The following ROR1 variants were observed in gnomAD, a reference collection of about 807,000 sequenced individuals.
ROR1 encodes the protein ROR family WNT receptor 1.
In ROR1, 19 loss-of-function variants were observed where a neutral mutation model predicts 78.8. The observed-to-expected ratio is 0.24, with a 90% confidence interval of 0.17 to 0.35. The LOEUF is 0.35. Among genes scored for constraint, ROR1 ranks in the 10% least tolerant of loss-of-function variants. The pLI, the probability that ROR1 is intolerant of heterozygous loss-of-function variation, is 1.00. For missense variants in ROR1, 917 were observed against 1,177.8 expected, an observed-to-expected ratio of 0.78 and a Z score of 3.24; for synonymous variants, 386 against 433.6, an observed-to-expected ratio of 0.89 and a Z score of 1.36.
chr1:64,095,051 G>A (rs1209615540), intron 4 of ROR1: 1 of 152,138 alleles, frequency 6.6e-6, no homozygotes, highest in Non-Finnish European at 1.5e-5. Context: ...GTGCTGCCAT[G>A]ATTGGAGTCC....
intron 4 of ROR1, among the ~76,000 whole-genome samples, chr1:64,063,104 A>G (rs1646929940): frequency 6.6e-6 from 1 of 152,234 alleles, no homozygotes; most frequent in South Asian, 2.1e-4. Context: ...TGTAACCAAG[A>G]ATGATAAATT....
At chr1:63,786,530 C>T (rs1644688804) in intron 1 of ROR1, among the ~76,000 whole-genome samples, 1 of 150,626 alleles carries the variant, frequency 6.6e-6, no homozygotes, top group Non-Finnish European at 1.5e-5. Flanking sequence ...CCTCGGCCTC[C>T]CAGAGTGCTG....
chr1:63,891,280 C>T (rs993752771), intron 1 of ROR1, among the ~76,000 whole-genome samples: 2 of 152,080 alleles, frequency 1.3e-5, no homozygotes, highest in African/African-American at 2.4e-5. Context: ...TTTCTCTTTT[C>T]GTTGTGGTAA....
In ROR1 at chr1:64,122,912, G is replaced by C. The variant is rs373597120; in HGVS notation, c.483-14457G>C. 1.8e-4 allele frequency among the ~76,000 whole-genome samples: 27 copies of C among 152,264 alleles called. 2 individuals carry two copies. Among genetic ancestry groups the C allele is most frequent in the Admixed American group, 9.8e-4 (15 of 15,280 alleles). On this transcript the variant is annotated intron_variant, in intron 4 of 8. Transcript: ENST00000371079. ...GGTGCCTGATGCTCCGGGTGAAGTT[G>C]AAGTTTGACCAGTAAGAGGGAAGAA...
chr1:64,002,401 G>T (rs547997986), intron 1 of ROR1, among the ~76,000 whole-genome samples: 12 of 152,326 alleles, frequency 7.9e-5, no homozygotes, highest in Non-Finnish European at 1.6e-4. Context: ...TGGGATTACA[G>T]GCGTGAGCCA....
intron 4 of ROR1, among the ~76,000 whole-genome samples, chr1:64,122,487 C>T (rs1648576397): frequency 6.6e-6 from 1 of 152,188 alleles, no homozygotes; most frequent in South Asian, 2.1e-4. Flanking sequence ...GATCCTTCAG[C>T]AGTCATGTAC....
At chr1:63,918,488 CG>C (rs1307644910) in intron 1 of ROR1, among the ~76,000 whole-genome samples, 1 of 152,088 alleles carries the variant, frequency 6.6e-6, no homozygotes, top group Non-Finnish European at 1.5e-5. Flanking sequence ...TTCTTAAGAA[CG>C]GGGCGTGGTA....
chr1:63,918,148 G>A (rs56157811), intron 1 of ROR1, among the ~76,000 whole-genome samples: 24,321 of 152,224 alleles, frequency 0.16, 3,006 homozygotes, highest in African/African-American at 0.35. Flanking sequence ...CCCAGATTGC[G>A]TTTGGGTGCC....
At chr1:64,159,291 CAG>C in intron 8 of ROR1, 99 bp downstream of exon 8, 1 of 940,278 alleles carries the variant, frequency 1.1e-6, no homozygotes, top group South Asian at 1.4e-5. Context: ...GATATGGAAT[CAG>C]AGTTTTATAA....
At chr1:63,863,788 ATTGT>A (rs765008555) in intron 1 of ROR1, among the ~76,000 whole-genome samples, 4,454 of 146,682 alleles carry the variant, frequency 0.03, 198 homozygotes, top group African/African-American at 0.079. Flanking sequence ...ATTGTATTGT[ATTGT>A]ATTGTATTGT....
chr1:63,868,382 A>G (rs1404130094), intron 1 of ROR1, among the ~76,000 whole-genome samples: 1 of 152,188 alleles, frequency 6.6e-6, no homozygotes, highest in Non-Finnish European at 1.5e-5. Flanking sequence ...AGTAAGAGAC[A>G]GAGAAATATG....
chr1:63,949,490 G>A (rs1260550907), intron 1 of ROR1, among the ~76,000 whole-genome samples: 2 of 152,266 alleles, frequency 1.3e-5, no homozygotes, highest in East Asian at 1.9e-4. Context: ...AGATAGCCTG[G>A]TTTTCTGCCC....
chr1:64,117,603 A>C (rs1222547930), intron 4 of ROR1, among the ~76,000 whole-genome samples: 7 of 152,184 alleles, frequency 4.6e-5, no homozygotes. Context: ...TTTGTAGCTC[A>C]CAAAAGCATT....
chr1:63,800,544 A>G (rs534506175), intron 1 of ROR1, among the ~76,000 whole-genome samples: 2 of 152,106 alleles, frequency 1.3e-5, no homozygotes, highest in Non-Finnish European at 2.9e-5. Flanking sequence ...AAAGGCAATG[A>G]TGTTCTGAAT....
At chr1:64,068,819 T>G (rs989633599) in intron 4 of ROR1, among the ~76,000 whole-genome samples, 1 of 152,228 alleles carries the variant, frequency 6.6e-6, no homozygotes, top group African/African-American at 2.4e-5. Context: ...TTTTACAGGC[T>G]GCAAATTGAC....
chr1:63,878,539 T>G (rs1018706917), intron 1 of ROR1, among the ~76,000 whole-genome samples: 2 of 152,054 alleles, frequency 1.3e-5, no homozygotes, highest in Non-Finnish European at 2.9e-5. Flanking sequence ...CTTTCTTGGT[T>G]TAAAACTCCT....
At chr1:63,989,697 G>A (rs979710859) in intron 1 of ROR1, among the ~76,000 whole-genome samples, 1 of 152,110 alleles carries the variant, frequency 6.6e-6, no homozygotes, top group Non-Finnish European at 1.5e-5. Flanking sequence ...TCCTTCAACT[G>A]TTTCTTAAAT....
At chr1:63,841,022 CTA>C (rs1419993202) in intron 1 of ROR1, among the ~76,000 whole-genome samples, 1 of 152,126 alleles carries the variant, frequency 6.6e-6, no homozygotes, top group Non-Finnish European at 1.5e-5. Context: ...AGTGGTTTTT[CTA>C]TGAGTATTTC....
intron 1 of ROR1, among the ~76,000 whole-genome samples, chr1:63,793,326 G>A (rs963069625): frequency 3.9e-5 from 6 of 152,176 alleles, no homozygotes; most frequent in South Asian, 2.1e-4. Flanking sequence ...TCAAATGATC[G>A]ATTGGCAGTA....
Sources: allele counts gnomAD v4.1 joint callset (sites outside exome capture counted in the v4.1 genomes callset), GRCh38; gene constraint gnomAD v4.1.1; transcripts MANE v1.5; gene names NCBI Gene and HGNC (gene_info 2026-07-23, HGNC 2026-07-21).